Variants in SHOC1 observed in about 807,000 individuals in gnomAD.
SHOC1 encodes the protein shortage in chiasmata 1.
In SHOC1, 136 loss-of-function variants were observed where a neutral mutation model predicts 179.2. The ratio of observed to expected loss-of-function variants is 0.76; its 90% CI spans 0.66 to 0.87. The LOEUF (loss-of-function observed/expected upper bound fraction) is 0.87, where lower values mean the gene tolerates loss of function less well. Among genes scored for constraint, SHOC1 ranks in the 40% least tolerant of loss-of-function variants. The pLI is 0.00. For missense variants in SHOC1, 1,538 were observed against 1,700.8 expected (o/e 0.90, Z 1.68); for synonymous variants, 489 against 586.6 (o/e 0.83, Z 2.41).
chr9:111,761,620 A>C (rs1835141121), intron 5 of SHOC1, among the ~76,000 whole-genome samples: 1 of 152,230 alleles, frequency 6.6e-6, no homozygotes, highest in African/African-American at 2.4e-5. Flanking sequence ...ACCATAAAAG[A>C]AAACAATTGG....
chr9:111,706,550 T>A lies in SHOC1; in HGVS notation c.2737+18A>T. The A allele has an allele frequency of 6.8e-7, 1 of 1,467,640 alleles. No individual in the cohort carries two copies. The highest frequency in any genetic ancestry group is 9.0e-7 in the Non-Finnish European group (1 of 1,106,030). 90.9% of individuals were successfully genotyped at this position (1,467,640 alleles called of 1,614,324 possible). On this transcript the variant is annotated intron_variant, in intron 20 of 27. Coordinates refer to ENST00000682961, the MANE Select transcript of SHOC1 (RefSeq NM_001378211.1). ...CATTCTAATAAAGCAAAAAAAGGAT[T>A]TTGGCTTATATTCTTACTTTCTAAA... is the stretch of plus-strand genomic sequence containing the variant.
Position 111,703,980 on chromosome 9 carries a change from T to A in SHOC1, c.2868A>T (p.Ser956=). ...LQLLESNYNI[S]LVERGCSESL... ...ACTCACTGCAGCCTCTCTCTACTAGTGAGATGTTATAGCTGTAAAATACAA... is the reference window on the plus strand; with the variant it reads ...ACTCACTGCAGCCTCTCTCTACTAGAGAGATGTTATAGCTGTAAAATACAA... The change falls in exon 22 of 28, where the codon TCA becomes TCT. Residue 956 remains serine, a synonymous_variant. Transcript: ENST00000682961. 1 of 1,540,574 alleles carries A rather than the reference T, an allele frequency of 6.5e-7. No homozygotes were observed. The highest frequency in any genetic ancestry group is 8.9e-7 in the Non-Finnish European group (1 of 1,120,736).
chr9:111,726,742 G>A (rs899600880), intron 13 of SHOC1, among the ~76,000 whole-genome samples: 6 of 152,072 alleles, frequency 3.9e-5, no homozygotes, highest in African/African-American at 1.4e-4. Context: ...GTGAAATGCG[G>A]TAATACTACC....
In SHOC1 at chr9:111,714,582, C is replaced by T. The variant is rs10981034; in HGVS notation, c.2278G>A (p.Gly760Ser). The T allele has an allele frequency of 1.2e-6, 2 of 1,613,678 alleles. No individual in the cohort carries two copies. Among genetic ancestry groups the T allele is most frequent in the Non-Finnish European group, 1.7e-6 (2 of 1,179,898 alleles). ...KAKDIYNSIL[G>S]PYLGDIWRQL... The stretch of plus-strand genomic sequence containing the variant: ...CTCCAAATGTCACCCAAATAGGGGC[C>T]TAAAATGCTGTTGTAGATATCTTTT... Residue 760 changes from glycine to serine, a missense_variant, in exon 17 of 28, where the codon GGC becomes AGC. Physicochemically the swap from Gly to Ser is moderately conservative, Grantham distance 56. Coordinates refer to ENST00000682961, the MANE Select transcript of SHOC1 (RefSeq NM_001378211.1).
intron 26 of SHOC1, 28 bp downstream of exon 26, chr9:111,693,771 A>C (rs1180278591): frequency 2.8e-6 from 4 of 1,404,686 alleles, no homozygotes; most frequent in Non-Finnish European, 3.8e-6. Context: ...ATAAATTCAT[A>C]TCATAGTACA....
chr9:111,792,351 G>A (rs111962887), intron 1 of SHOC1, among the ~76,000 whole-genome samples: 27,180 of 152,088 alleles, frequency 0.18, 2,673 homozygotes, highest in Non-Finnish European at 0.22. Context: ...GAGAGGCTGA[G>A]GTGGTGGATC....
intron 4 of SHOC1, among the ~76,000 whole-genome samples, 174 bp downstream of exon 4, chr9:111,780,754 TAA>T (rs1426563372): frequency 1.3e-5 from 2 of 152,200 alleles, no homozygotes; most frequent in Non-Finnish European, 2.9e-5. Flanking sequence ...AAAGAAGATA[TAA>T]GTCACTCTTA....
At position 111,785,982 on chromosome 9, in the gene SHOC1, T is replaced by G; in HGVS notation, c.99A>C (p.Ser33=). 6.5e-7 allele frequency: 1 copy of G among 1,528,708 alleles called. No individual in the cohort carries two copies. The highest frequency in any genetic ancestry group is 2.5e-5 in the East Asian group (1 of 39,302). The allele number at this position is 1,528,708 out of a possible 1,614,324, so 94.7% of individuals were successfully genotyped here. ...GGTAACTTTCATCTTGATATAAACA[T>G]GAAGGGATTCGAAGCAATAAAGCAT... is the stretch of plus-strand genomic sequence containing the variant. ...YRDALLLRIP[S]CLYQDESYHV... Residue 33 remains serine (S), a synonymous_variant, in exon 3 of 28, where the codon TCA becomes TCC. Coordinates refer to ENST00000682961, the MANE Select transcript of SHOC1 (RefSeq NM_001378211.1).
At chr9:111,713,272 C>G in intron 17 of SHOC1, 100 bp from the exon 18 acceptor site, 2 of 592,654 alleles carry the variant, frequency 3.4e-6, no homozygotes, top group East Asian at 6.2e-5. Context: ...TTCTATGAAA[C>G]TAATGACAAT....
chr9:111,737,467 G>T (rs1031416367), intron 12 of SHOC1, among the ~76,000 whole-genome samples: 1 of 152,138 alleles, frequency 6.6e-6, no homozygotes, highest in Non-Finnish European at 1.5e-5. Flanking sequence ...AGGAGTTCGA[G>T]ACCAGCCTGG....
chr9:111,690,570 A>G (rs1277701240), intron 27 of SHOC1, among the ~76,000 whole-genome samples: 1 of 152,232 alleles, frequency 6.6e-6, no homozygotes, highest in African/African-American at 2.4e-5. Flanking sequence ...TGTAAATATA[A>G]TCTTTGACAT....
At position 111,758,064 on chromosome 9, in the gene SHOC1, T is replaced by C; in HGVS notation, c.708+20A>G. 1.6e-6 allele frequency: 2 copies of C among 1,260,972 alleles called. No individual in the cohort carries two copies. The highest frequency in any genetic ancestry group is 2.2e-6 in the Non-Finnish European group (2 of 898,488). 78.1% of individuals were successfully genotyped at this position (1,260,972 alleles called of 1,614,324 possible). On this transcript the variant is annotated intron_variant, in intron 7 of 27. Transcript: ENST00000682961. ...CCTCACTACTTTTACTAAAATATTA[T>C]TGAAAGCCAGTATTACAACCTCATT... is the stretch of plus-strand genomic sequence containing the variant.
At position 111,692,046 on chromosome 9, in the gene SHOC1, T is replaced by C; in HGVS notation, c.3931A>G (p.Thr1311Ala). The C allele has an allele frequency of 6.2e-7, 1 of 1,613,852 alleles. No individual in the cohort carries two copies. The highest frequency in any genetic ancestry group is 1.1e-5 in the South Asian group (1 of 91,046). Residue 1311 changes from threonine (T) to alanine (A), a missense_variant, in exon 27 of 28, where the codon ACT becomes GCT. By Grantham distance (58) the Thr-to-Ala change is moderately conservative. Transcript: ENST00000682961. ...ACTGACACTCTCTTCTGAGTGTCAGTTGGTGATTTTATAGTTTCACAGTTC... is the reference window on the plus strand; with the variant it reads ...ACTGACACTCTCTTCTGAGTGTCAGCTGGTGATTTTATAGTTTCACAGTTC... ...QMNCETIKSP[T>A]DTQKRVSVVP...
In SHOC1 at chr9:111,759,049, T is replaced by C. The variant is rs1835013189; in HGVS notation, c.443-201A>G. 6.6e-6 allele frequency: 8 copies of C among 1,206,220 alleles called. No individual in the cohort carries two copies. The South Asian group carries it at 1.2e-4, about 18-fold the overall frequency. The allele number at this position is 1,206,220 out of a possible 1,614,324, so 74.7% of individuals were successfully genotyped here. ...AAGGCAAAAGTACAATAAATTTTAG[T>C]ATTATCTAGGACACCGAGGAATAGC... On this transcript the variant is annotated intron_variant, in intron 5 of 27. Coordinates refer to ENST00000682961, the MANE Select transcript of SHOC1 (RefSeq NM_001378211.1).
At chr9:111,729,925 C>A (rs1334811987) in intron 12 of SHOC1, among the ~76,000 whole-genome samples, 1 of 151,648 alleles carries the variant, frequency 6.6e-6, no homozygotes, top group Non-Finnish European at 1.5e-5. Flanking sequence ...CCTCTCCAAC[C>A]CTGCCACTAC....
At chr9:111,727,487 A>G in intron 13 of SHOC1, 146 bp downstream of exon 13, 1 of 654,242 alleles carries the variant, frequency 1.5e-6, no homozygotes. Flanking sequence ...ACAAGAAGTT[A>G]TCAAGAATCA....
intron 10 of SHOC1, among the ~76,000 whole-genome samples, chr9:111,744,142 C>T (rs540992067): frequency 1.3e-5 from 2 of 152,248 alleles, no homozygotes; most frequent in Non-Finnish European, 2.9e-5. Flanking sequence ...AAAGATCATA[C>T]TAATTTCTGC....
chr9:111,723,924 AT>A lies in SHOC1; in HGVS notation c.1835-14del. 1.3e-6 allele frequency: 2 copies of A among 1,482,472 alleles called. No individual in the cohort carries two copies. The highest frequency in any genetic ancestry group is 1.8e-6 in the Non-Finnish European group (2 of 1,095,822). 91.8% of individuals were successfully genotyped at this position (1,482,472 alleles called of 1,614,324 possible). On this transcript the variant is annotated splice_polypyrimidine_tract_variant and intron_variant, in intron 13 of 27. Transcript: ENST00000682961. ...CATGCTTCTTTATCTTGAAATTCCA[AT>A]AAAAAATATAAATTTTTGTTGTTCA...
intron 18 of SHOC1, among the ~76,000 whole-genome samples, chr9:111,710,274 C>T (rs2131371579): frequency 1.3e-5 from 2 of 152,240 alleles, no homozygotes; most frequent in South Asian, 4.1e-4. Flanking sequence ...TCCAAGTTTA[C>T]AAATCTAGAC....
Sources: allele counts gnomAD v4.1 joint callset (sites outside exome capture counted in the v4.1 genomes callset), GRCh38; gene constraint gnomAD v4.1.1; transcripts MANE v1.5; gene names NCBI Gene and HGNC (gene_info 2026-07-23, HGNC 2026-07-21).